Variants in CERS6 observed in about 807,000 individuals in gnomAD.
CERS6 encodes the protein ceramide synthase 6, also known as LAG1 homolog, ceramide synthase 6.
In CERS6, 26 loss-of-function variants were observed where a neutral mutation model predicts 56.8. The ratio of observed to expected loss-of-function variants is 0.46; its 90% CI spans 0.34 to 0.63. The LOEUF (loss-of-function observed/expected upper bound fraction) is 0.63, where lower values mean the gene tolerates loss of function less well. Ranked by LOEUF, CERS6 falls within the 30% of genes least tolerant of loss-of-function variation. The pLI, the probability that CERS6 is intolerant of heterozygous loss-of-function variation, is 0.01. For missense variants in CERS6, 415 were observed against 467.5 expected (o/e 0.89, Z 1.04); for synonymous variants, 164 against 173.3 (o/e 0.95, Z 0.42).
intron 8 of CERS6, among the ~76,000 whole-genome samples, chr2:168,726,643 A>G (rs1271909504): frequency 6.6e-6 from 1 of 152,226 alleles, no homozygotes; most frequent in African/African-American, 2.4e-5. Context: ...CTCATCGGTA[A>G]AATAATGGTA....
rs138332816 is a variant in CERS6, at chr2:168,618,486, A to G, written c.408-12499A>G. 8.0e-3 allele frequency among the ~76,000 whole-genome samples: 1,213 copies of G among 152,266 alleles called. 55 individuals carry two copies. The highest frequency in any genetic ancestry group is 5.6e-3 in the East Asian group (29 of 5,188). On this transcript the variant is annotated intron_variant, in intron 3 of 9. Coordinates refer to ENST00000305747, the MANE Select transcript of CERS6 (RefSeq NM_203463.3). The stretch of plus-strand genomic sequence containing the variant: ...TGATTATATACCTGGAAAACCCTAA[A>G]GACTCCTCCAAAAAGCTCCTAGAAC...
intron 3 of CERS6, among the ~76,000 whole-genome samples, chr2:168,612,675 T>G (rs1684001207): frequency 6.6e-6 from 1 of 152,234 alleles, no homozygotes; most frequent in Non-Finnish European, 1.5e-5. Flanking sequence ...TCAGGTTGGC[T>G]GAGAATATTA....
At chr2:168,470,666 T>TTAAA (rs1350879997) in intron 1 of CERS6, among the ~76,000 whole-genome samples, 16 of 152,220 alleles carry the variant, frequency 1.1e-4, no homozygotes, top group Middle Eastern at 3.4e-3. Flanking sequence ...GCTCCCACAC[T>TTAAA]TAAATGGCTG....
chr2:168,727,163 C>T (rs1340701009), intron 8 of CERS6, among the ~76,000 whole-genome samples: 1 of 152,052 alleles, frequency 6.6e-6, no homozygotes, highest in African/African-American at 2.4e-5. Context: ...GAAGCATCTG[C>T]CTTCTCAGAA....
intron 2 of CERS6, among the ~76,000 whole-genome samples, chr2:168,555,722 C>CTGTGTG (rs58781728): frequency 0.052 from 7,392 of 140,896 alleles, 436 homozygotes; most frequent in African/African-American, 0.14. Context: ...ATAATTGACT[C>CTGTGTG]TGTGTGTGTG....
Position 168,555,722 on chromosome 2 carries a change from C to CTGTATGTGTGTG in CERS6, c.277-5467_277-5466insATGTGTGTGTGT, listed in dbSNP as rs1553491464. Among the ~76,000 whole-genome samples the CTGTATGTGTGTG allele has an allele frequency of 6.5e-3, 910 of 141,008 alleles. 12 individuals are homozygous for CTGTATGTGTGTG. The highest frequency in any genetic ancestry group is 0.022 in the African/African-American group (814 of 36,402). 92.5% of individuals were successfully genotyped at this position (141,008 alleles called of 152,430 possible). On this transcript the variant is annotated intron_variant, in intron 2 of 9. Transcript: ENST00000305747. ...TTATTCTAGGAAAGTATAATTGACT[C>CTGTATGTGTGTG]TGTGTGTGTGTGTGTGTGTGTGTGT...
intron 8 of CERS6, among the ~76,000 whole-genome samples, chr2:168,751,143 G>A (rs1367166665): frequency 6.6e-6 from 1 of 152,166 alleles, no homozygotes. Flanking sequence ...ACAAGTAAGA[G>A]GTTATAGCAG....
intron 1 of CERS6, among the ~76,000 whole-genome samples, chr2:168,491,679 C>T (rs994471730): frequency 2.6e-5 from 4 of 151,964 alleles, no homozygotes; most frequent in East Asian, 1.9e-4. Context: ...ATGTGCAGAA[C>T]GTGTAGGTTT....
At position 168,547,677 on chromosome 2, in the gene CERS6, A is replaced by G. The variant is rs1312683138; in HGVS notation, c.252A>G (p.Glu84=). ...TTGCTCCGCCCAATGCCATTCTGGA[A>G]AAGGTCTTCACTGCAATTACAAAGG... The part of the protein sequence containing the change: ...PQIAPPNAIL[E]KVFTAITKHP... Residue 84 remains glutamate, a synonymous_variant, in exon 2 of 10, where the codon GAA becomes GAG. Transcript: ENST00000305747. The G allele has an allele frequency of 1.9e-6, 3 of 1,612,146 alleles. No homozygotes were observed. In the African/African-American group the frequency reaches 4.0e-5, roughly 22 times the overall value.
intron 4 of CERS6, among the ~76,000 whole-genome samples, chr2:168,655,069 G>A (rs1184665710): frequency 6.6e-6 from 1 of 152,066 alleles, no homozygotes; most frequent in Non-Finnish European, 1.5e-5. Flanking sequence ...TTTAAAAGTG[G>A]GCAAAGGACC....
At chr2:168,715,174 A>AG in intron 7 of CERS6, 45 bp downstream of exon 7, 1 of 1,575,746 alleles carries the variant, frequency 6.3e-7, no homozygotes, top group South Asian at 1.2e-5. Context: ...TCCAAAATTT[A>AG]GGAAGTCCCC....
At chr2:168,563,956 A>G (rs1695838610) in intron 3 of CERS6, among the ~76,000 whole-genome samples, 1 of 152,120 alleles carries the variant, frequency 6.6e-6, no homozygotes. Context: ...GTTGTATGAT[A>G]TAGTATTGAT....
chr2:168,539,960 T>C (rs1395686855), intron 1 of CERS6, among the ~76,000 whole-genome samples: 1 of 152,258 alleles, frequency 6.6e-6, no homozygotes, highest in African/African-American at 2.4e-5. Context: ...TTTACCAATA[T>C]ATTTGTCATT....
chr2:168,767,425 G>T (rs868409807), intron 9 of CERS6, among the ~76,000 whole-genome samples: 1 of 152,170 alleles, frequency 6.6e-6, no homozygotes, highest in African/African-American at 2.4e-5. Context: ...TTCTATTTAT[G>T]ACTAATGGAC....
At chr2:168,704,024 A>G (rs1686870664) in intron 6 of CERS6, among the ~76,000 whole-genome samples, 1 of 152,180 alleles carries the variant, frequency 6.6e-6, no homozygotes, top group African/African-American at 2.4e-5. Flanking sequence ...TGTCTGGAAA[A>G]GAAGTGTTTC....
At chr2:168,556,768 T>C (rs1695685998) in intron 2 of CERS6, among the ~76,000 whole-genome samples, 1 of 152,100 alleles carries the variant, frequency 6.6e-6, no homozygotes. Flanking sequence ...GAAGGGAATC[T>C]TGTGAAAAAC....
intron 1 of CERS6, 129 bp from the exon 2 acceptor site, chr2:168,547,467 C>T: frequency 1.7e-6 from 1 of 588,820 alleles, no homozygotes; most frequent in Non-Finnish European, 3.0e-6. Flanking sequence ...GGAGTGTTGA[C>T]AATGTACACC....
At chr2:168,543,247 G>A (rs1165210730) in intron 1 of CERS6, among the ~76,000 whole-genome samples, 1 of 152,076 alleles carries the variant, frequency 6.6e-6, no homozygotes, top group African/African-American at 2.4e-5. Context: ...ATCTTTTGAA[G>A]GTGGTGTTGC....
chr2:168,687,950 C>T (rs575577713), intron 4 of CERS6, among the ~76,000 whole-genome samples: 2 of 152,318 alleles, frequency 1.3e-5, no homozygotes, highest in South Asian at 4.1e-4. Context: ...GCAGTTCTCC[C>T]ACCTCATCTT....
Sources: gnomAD v4.1 joint callset for allele counts (sites outside exome capture counted in the v4.1 genomes callset) on GRCh38, gnomAD v4.1.1 for gene constraint, MANE v1.5 for transcripts, NCBI Gene and HGNC (gene_info 2026-07-23, HGNC 2026-07-21) for gene names.